The following MELTF variants were observed in gnomAD, a reference collection of about 807,000 sequenced individuals.
The protein encoded by MELTF is melanotransferrin, also known as antigen p97 (melanoma associated) identified by monoclonal antibodies 133.2 and 96.5.
In MELTF, 67 loss-of-function variants were observed where a neutral mutation model predicts 83.7. That is an observed-to-expected ratio of 0.80 (90% CI 0.66 to 0.98). MELTF has a LOEUF of 0.98. MELTF is among the 50% of genes least tolerant of loss of function. MELTF has a pLI of 0.00. For missense variants in MELTF, 1,002 were observed against 1,035.6 expected (o/e 0.97, Z 0.44); for synonymous variants, 462 against 447.6 (o/e 1.03, Z -0.41).
In MELTF at chr3:197,029,561, G is replaced by T; in HGVS notation, c.49+93C>A. On this transcript the variant is annotated intron_variant, in intron 1 of 15. Transcript: ENST00000296350. This position sits in a 1 kb window ranked among gnomAD's most constrained non-coding sequence, Gnocchi z 6.5. Reference sequence around the variant, plus strand: ...CCGTCTCACTGCCCCGGAGCCGCAGGCTCAGGCACATTTCCAGCCCCGGGA... The same window carrying T: ...CCGTCTCACTGCCCCGGAGCCGCAGTCTCAGGCACATTTCCAGCCCCGGGA... 1 of 1,068,664 alleles carries T rather than the reference G, an allele frequency of 9.4e-7. No individual in the cohort carries two copies. Among genetic ancestry groups the T allele is most frequent in the Non-Finnish European group, 1.2e-6 (1 of 838,606 alleles). 66.2% of individuals were successfully genotyped at this position (1,068,664 alleles called of 1,614,324 possible). A position where few individuals can be genotyped will look rare whatever the true frequency, so the allele number is the denominator to read the frequency against.
intron 3 of MELTF, 63 bp downstream of exon 3, chr3:197,026,597 G>A: frequency 1.3e-6 from 2 of 1,484,702 alleles, no homozygotes; most frequent in Non-Finnish European, 1.9e-6. Context: ...GCCCAGCAAG[G>A]GCAGCCTGGA....
In MELTF at chr3:197,003,607, C is replaced by G; in HGVS notation, c.2138-156G>C. ...TTCCCCTGCTGCCCTTCCAGATGCG[C>G]TCTTTCCAGAAAGGCAGCACACGCA... On this transcript the variant is annotated intron_variant, in intron 15 of 15. Coordinates refer to ENST00000296350, the MANE Select transcript of MELTF (RefSeq NM_005929.6). This position sits in a 1 kb window ranked among gnomAD's most constrained non-coding sequence, Gnocchi z 6.2. The G allele has an allele frequency of 1.5e-6, 1 of 685,342 alleles. No individual in the cohort carries two copies. Among genetic ancestry groups the G allele is most frequent in the Non-Finnish European group, 2.3e-6 (1 of 442,828 alleles). The allele number at this position is 685,342 out of a possible 1,614,324, so 42.5% of individuals were successfully genotyped here. A position where few individuals can be genotyped will look rare whatever the true frequency, so the allele number is the denominator to read the frequency against.
rs1168928845 is a variant in MELTF, at chr3:197,029,705, C to A, written c.-3G>T. On this transcript the variant is annotated 5_prime_UTR_variant, in exon 1 of 16. Coordinates refer to ENST00000296350, the MANE Select transcript of MELTF (RefSeq NM_005929.6). The surrounding 1 kb of genome is among the most constrained non-coding windows in gnomAD (Gnocchi z 6.5). ...AGAGCCCCGCTCGGACCCCGCATGG[C>A]GCCGTCGGGGCTGGCTGGGGCCGGG... is the stretch of plus-strand genomic sequence containing the variant. The A allele has an allele frequency of 8.1e-7, 1 of 1,239,610 alleles. No individual in the cohort carries two copies. The highest frequency in any genetic ancestry group is 1.0e-6 in the Non-Finnish European group (1 of 992,450). 76.8% of individuals were successfully genotyped at this position (1,239,610 alleles called of 1,614,324 possible). A position where few individuals can be genotyped will look rare whatever the true frequency, so the allele number is the denominator to read the frequency against.
Position 197,024,168 on chromosome 3 carries a change from C to CAGGGGGGGGGG in MELTF, c.487+134_487+135insCCCCCCCCCCT. On this transcript the variant is annotated intron_variant, in intron 4 of 15. Transcript: ENST00000296350. This position sits in a 1 kb window ranked among gnomAD's most constrained non-coding sequence, Gnocchi z 5.3. The stretch of plus-strand genomic sequence containing the variant: ...GGAGGCGGGGGAGGCACGGGGCGGG[C>CAGGGGGGGGGG]GGGGGCTGCTGCGCCTTCCAGGAAT... 1.1e-5 allele frequency: 8 copies of CAGGGGGGGGGG among 721,344 alleles called. No homozygotes were observed. Among genetic ancestry groups the CAGGGGGGGGGG allele is most frequent in the South Asian group, 9.4e-5 (2 of 21,256 alleles). The allele number at this position is 721,344 out of a possible 1,614,324, so 44.7% of individuals were successfully genotyped here.
intron 1 of MELTF, chr3:197,028,232 C>T (rs569815484): frequency 7.2e-5 from 21 of 293,334 alleles, no homozygotes; most frequent in African/African-American, 1.9e-4. Context: ...TAGGGAGTCT[C>T]GGCAGGCCCT....
Position 197,029,517 on chromosome 3 carries a change from C to A in MELTF, c.49+137G>T. 1.6e-6 allele frequency: 1 copy of A among 624,794 alleles called. No individual in the cohort carries two copies. The highest frequency in any genetic ancestry group is 2.3e-6 in the Non-Finnish European group (1 of 434,356). 38.7% of individuals were successfully genotyped at this position (624,794 alleles called of 1,614,324 possible). ...AGTTCCCTCCGCCGTCCTCACTCGA[C>A]CCCGAGCCCCTGCCTCCCCCGTCTC... On this transcript the variant is annotated intron_variant, in intron 1 of 15. Transcript: ENST00000296350. This position sits in a 1 kb window ranked among gnomAD's most constrained non-coding sequence, Gnocchi z 6.5.
rs772354892 is a variant in MELTF at position 197,027,830 on chromosome 3, G to A, written c.130C>T (p.Arg44Trp). The stretch of plus-strand genomic sequence containing the variant: ...AGGGAGGGCTGGATGCCCGCTTCCC[G>A]GAAGGCCTCGCTCATGTTGCCGCAC... ...HKCGNMSEAFREAGIQPSLLC... is the reference protein window; with the variant it reads ...HKCGNMSEAFWEAGIQPSLLC... The change falls in exon 2 of 16, where the codon CGG becomes TGG. Residue 44 changes from arginine (R) to tryptophan (W), a missense_variant. Coordinates refer to ENST00000296350, the MANE Select transcript of MELTF (RefSeq NM_005929.6). 18 of 1,611,204 alleles carry A rather than the reference G, an allele frequency of 1.1e-5. No homozygotes were observed. The highest frequency in any genetic ancestry group is 5.0e-5 in the Admixed American group (3 of 59,840).
intron 14 of MELTF, chr3:197,004,522 G>A (rs1434142618): frequency 4.6e-6 from 1 of 219,010 alleles, no homozygotes; most frequent in South Asian, 6.4e-5. Flanking sequence ...AAACAATTTC[G>A]AGAGGGACTT....
rs900182036 is a variant in MELTF, at chr3:197,022,375, C to G, written c.644+582G>C. Among the ~76,000 whole-genome samples, 1 of 152,274 alleles carries G rather than the reference C, an allele frequency of 6.6e-6. No individual in the cohort carries two copies. The highest frequency in any genetic ancestry group is 2.1e-4 in the South Asian group (1 of 4,824). ...TGAGGACTGTTTCTTCTCTCTAAGCCGAAAACCGCATCCAGTCAGATAACA... is the reference window on the plus strand; with the variant it reads ...TGAGGACTGTTTCTTCTCTCTAAGCGGAAAACCGCATCCAGTCAGATAACA... On this transcript the variant is annotated intron_variant, in intron 5 of 15. Transcript: ENST00000296350. The surrounding 1 kb of genome is among the most constrained non-coding windows in gnomAD (Gnocchi z 5.1).
intron 9 of MELTF, among the ~76,000 whole-genome samples, chr3:197,013,996 C>G (rs141209943): frequency 0.015 from 2,325 of 152,294 alleles, 27 homozygotes; most frequent in Middle Eastern, 0.078. Flanking sequence ...GTCCAGTAAT[C>G]CCACCACTGG....
In MELTF at chr3:197,003,259, GCTCCC is replaced by G. The variant is rs1250552930; in HGVS notation, c.*108_*112del. On this transcript the variant is annotated 3_prime_UTR_variant, in exon 16 of 16. Transcript: ENST00000296350. This position sits in a 1 kb window ranked among gnomAD's most constrained non-coding sequence, Gnocchi z 6.2. Reference sequence around the variant, plus strand: ...CGGCGGGGCTCCCGGGGAGGCGCCTGCTCCCGCCCACGCCGGGCCCGGCCTTCGCG... The same window carrying G: ...CGGCGGGGCTCCCGGGGAGGCGCCTGGCCCACGCCGGGCCCGGCCTTCGCG... 9.8e-7 allele frequency: 1 copy of G among 1,016,978 alleles called. No individual in the cohort carries two copies. The highest frequency in any genetic ancestry group is 5.8e-5 in the Admixed American group (1 of 17,274). The allele number at this position is 1,016,978 out of a possible 1,614,324, so 63.0% of individuals were successfully genotyped here.
chr3:197,015,041 C>T (rs555773357), intron 9 of MELTF, among the ~76,000 whole-genome samples: 63 of 152,364 alleles, frequency 4.1e-4, no homozygotes, highest in South Asian at 1.9e-3. Flanking sequence ...GGCTACAGGG[C>T]GTCAGTGCCC....
rs965666 is a variant in MELTF at position 197,008,753 on chromosome 3, G to A, written c.1683-29C>T. ...CCACACAGAGGGCAGGGCAGGCGTC[G>A]GCAGGAGGGTCCCAGCCTCTGCACA... is the stretch of plus-strand genomic sequence containing the variant. On this transcript the variant is annotated intron_variant, in intron 12 of 15. Transcript: ENST00000296350. The surrounding 1 kb of genome is among the most constrained non-coding windows in gnomAD (Gnocchi z 5.4). 154,185 of 1,613,690 alleles carry A rather than the reference G, an allele frequency of 0.096. 9,599 individuals carry two copies. The highest frequency in any genetic ancestry group is 0.26 in the East Asian group (11,600 of 44,866).
intron 9 of MELTF, among the ~76,000 whole-genome samples, chr3:197,012,864 G>C (rs1035957124): frequency 6.6e-6 from 1 of 152,232 alleles, no homozygotes; most frequent in African/African-American, 2.4e-5. Flanking sequence ...GGAAAAAAAG[G>C]ATTAGAATAG....
At chr3:197,027,978 G>T in intron 1 of MELTF, 68 bp from the exon 2 acceptor site, 1 of 1,486,194 alleles carries the variant, frequency 6.7e-7, no homozygotes. Context: ...ATGGAGGGTG[G>T]CTCCAGCAGT....
At position 197,011,294 on chromosome 3, in the gene MELTF, G is replaced by T. The variant is rs1234130875; in HGVS notation, c.1234-500C>A. ...CTGGGGAGGAGGCTTCAGGGCTGAG[G>T]GATGGAGCTCTGCCTGCGGAGGCGC... On this transcript the variant is annotated intron_variant, in intron 9 of 15. Coordinates refer to ENST00000296350, the MANE Select transcript of MELTF (RefSeq NM_005929.6). This position sits in a 1 kb window ranked among gnomAD's most constrained non-coding sequence, Gnocchi z 4.2. Among the ~76,000 whole-genome samples, 1 of 152,238 alleles carries T rather than the reference G, an allele frequency of 6.6e-6. No homozygotes were observed. The highest frequency in any genetic ancestry group is 1.5e-5 in the Non-Finnish European group (1 of 68,036).
Position 197,020,918 on chromosome 3 carries a change from G to A in MELTF, c.712+486C>T, listed in dbSNP as rs555757523. On this transcript the variant is annotated intron_variant, in intron 6 of 15. Transcript: ENST00000296350. ...CCTGACCTCGTGATCCGCCCACCTC[G>A]GCCTCCCAAAGTGCTGGGATTACAG... Among the ~76,000 whole-genome samples, 3 of 152,138 alleles carry A rather than the reference G, an allele frequency of 2.0e-5. No individual in the cohort carries two copies. In the East Asian group the frequency reaches 5.8e-4, roughly 29 times the overall value.
chr3:197,025,321 C>T (rs561014779), intron 3 of MELTF, among the ~76,000 whole-genome samples: 51 of 152,376 alleles, frequency 3.3e-4, no homozygotes, highest in African/African-American at 1.1e-3. Context: ...GTCTGGCCCC[C>T]GCCAACCTGA....
At position 197,024,490 on chromosome 3, in the gene MELTF, G is replaced by T; in HGVS notation, c.305-5C>A. The T allele has an allele frequency of 1.3e-6, 2 of 1,566,054 alleles. No individual in the cohort carries two copies. Among genetic ancestry groups the T allele is most frequent in the Non-Finnish European group, 1.7e-6 (2 of 1,148,102 alleles). ...CGTAATAGGAGGTACCGACCTCTAG[G>T]AGGGGAGGGGAGTGGGTGAGGGCAG... is the stretch of plus-strand genomic sequence containing the variant. On this transcript the variant is annotated splice_polypyrimidine_tract_variant and splice_region_variant and intron_variant, in intron 3 of 15. Transcript: ENST00000296350. The surrounding 1 kb of genome is among the most constrained non-coding windows in gnomAD (Gnocchi z 5.3).
Sources: allele counts gnomAD v4.1 joint callset (sites outside exome capture counted in the v4.1 genomes callset), GRCh38; gene constraint gnomAD v4.1.1; non-coding constraint Gnocchi (gnomAD v3.1); transcripts MANE v1.5; gene names NCBI Gene and HGNC (gene_info 2026-07-23, HGNC 2026-07-21).